Variants in FOLH1 observed in about 807,000 individuals in gnomAD.
The protein encoded by FOLH1 is glutamate carboxypeptidase 2.
FOLH1 carries 54 observed loss-of-function variants against 93.9 expected under a neutral mutation model. The observed-to-expected ratio is 0.57, with a 90% confidence interval of 0.46 to 0.72. The LOEUF is 0.72. FOLH1 is among the 30% of genes least tolerant of loss of function. The probability of loss-of-function intolerance (pLI) is 0.00; values close to 1 mark genes in which losing one functional copy is unlikely to be tolerated. For synonymous variants in FOLH1, 249 were observed against 303.6 expected, an observed-to-expected ratio of 0.82 and a Z score of 1.87; for missense variants, 571 against 892.5, an observed-to-expected ratio of 0.64 and a Z score of 4.59.
At chr11:49,182,719 A>G (rs566629250) in intron 7 of FOLH1, among the ~76,000 whole-genome samples, 10 of 152,356 alleles carry the variant, frequency 6.6e-5, no homozygotes, top group African/African-American at 2.4e-4. Context: ...TGCAGCATCT[A>G]TTTAAGCGAG....
chr11:49,201,838 T>C (rs1863290952), intron 2 of FOLH1, among the ~76,000 whole-genome samples: 1 of 152,206 alleles, frequency 6.6e-6, no homozygotes, highest in South Asian at 2.1e-4. Flanking sequence ...GGAATTACTA[T>C]GGGGAATCTT....
At chr11:49,153,762 TTCAGCAACAG>T (rs1406599832) in intron 17 of FOLH1, 74 bp downstream of exon 17, 1 of 952,738 alleles carries the variant, frequency 1.0e-6, no homozygotes, top group Non-Finnish European at 1.4e-6. Context: ...CCAAAGCTAG[TTCAGCAACAG>T]TCATGTTAGT....
chr11:49,208,248 C>G, intron 1 of FOLH1, 44 bp downstream of exon 1: 1 of 1,377,470 alleles, frequency 7.3e-7, no homozygotes. Context: ...ACCGCGGCAC[C>G]ACGGGGAAGA....
intron 12 of FOLH1, among the ~76,000 whole-genome samples, chr11:49,165,233 T>G (rs1858244762): frequency 6.6e-6 from 1 of 152,174 alleles, no homozygotes; most frequent in Non-Finnish European, 1.5e-5. Flanking sequence ...CTATTTAACA[T>G]AAAACATATT....
chr11:49,208,353 G>C lies in FOLH1; in HGVS notation c.57C>G (p.Arg19=). The stretch of plus-strand genomic sequence containing the variant: ...GCACCAGCGCCCCAGCGCACAGCCA[G>C]CGCGGGCGGCGCGCGGTGGCCACAG... ...DSAVATARRP[R]WLCAGALVLA... Residue 19 remains arginine (R), a synonymous_variant, in exon 1 of 19, where the codon CGC becomes CGG. Coordinates refer to ENST00000256999, the MANE Select transcript of FOLH1 (RefSeq NM_004476.3). 6.2e-7 allele frequency: 1 copy of C among 1,601,438 alleles called. No homozygotes were observed. Among genetic ancestry groups the C allele is most frequent in the Non-Finnish European group, 8.5e-7 (1 of 1,173,024 alleles).
At chr11:49,198,093 T>TG (rs1236242970) in intron 3 of FOLH1, among the ~76,000 whole-genome samples, 1 of 152,048 alleles carries the variant, frequency 6.6e-6, no homozygotes, top group Non-Finnish European at 1.5e-5. Flanking sequence ...TTTGGTAACA[T>TG]TATGCATGTT....
intron 17 of FOLH1, 32 bp downstream of exon 17, chr11:49,153,814 T>TAC (rs1318081646): frequency 6.9e-7 from 1 of 1,446,380 alleles, no homozygotes; most frequent in South Asian, 1.4e-5. Context: ...TACACACACA[T>TAC]ACACACATAT....
chr11:49,177,132 C>T (rs1248263680), intron 7 of FOLH1, among the ~76,000 whole-genome samples: 1 of 152,200 alleles, frequency 6.6e-6, no homozygotes, highest in African/African-American at 2.4e-5. Flanking sequence ...AGGAAACAAT[C>T]AGTAAGATCA....
Position 49,155,835 on chromosome 11 carries a change from T to TATATATAA in FOLH1, c.1623+881_1623+882insTTATATAT, listed in dbSNP as rs1193032047. 3.8e-3 allele frequency among the ~76,000 whole-genome samples: 466 copies of TATATATAA among 121,720 alleles called. 9 individuals are homozygous for TATATATAA. Among genetic ancestry groups the TATATATAA allele is most frequent in the African/African-American group, 0.01 (304 of 30,060 alleles). The allele number at this position is 121,720 out of a possible 152,430, so 79.9% of individuals were successfully genotyped here. A position where few individuals can be genotyped will look rare whatever the true frequency, so the allele number is the denominator to read the frequency against. ...ATATATATATATATATATATATATA[T>TATATATAA]AATCAACAACAAAAGAAAGGGAATC... On this transcript the variant is annotated intron_variant, in intron 15 of 18. Transcript: ENST00000256999.
At chr11:49,156,212 G>A (rs575305618) in intron 15 of FOLH1, among the ~76,000 whole-genome samples, 7 of 151,936 alleles carry the variant, frequency 4.6e-5, no homozygotes, top group African/African-American at 9.6e-5. Flanking sequence ...ACCCAGTCTC[G>A]GGTATGTCTT....
intron 15 of FOLH1, among the ~76,000 whole-genome samples, chr11:49,155,338 T>A (rs1159612891): frequency 1.3e-5 from 2 of 152,048 alleles, no homozygotes; most frequent in Admixed American, 1.3e-4. Context: ...CCTGCATAAC[T>A]CTGCCTAACC....
chr11:49,206,130 G>C lies in FOLH1; in HGVS notation c.161C>G (p.Pro54Arg). The part of the protein sequence containing the change: ...KSSNEATNIT[P>R]KHNMKAFLDE... ...CAAAAATGCTTTCATATTATGCTTT[G>C]GAGTAATGTTAGTAGCTTCATTGGA... Residue 54 changes from proline (P) to arginine (R), a missense_variant, in exon 2 of 19, where the codon CCA (proline) becomes CGA (arginine). Physicochemically the swap from Pro to Arg is moderately radical, Grantham distance 103. Transcript: ENST00000256999. The C allele has an allele frequency of 6.2e-7, 1 of 1,612,126 alleles. No individual in the cohort carries two copies. The highest frequency in any genetic ancestry group is 1.1e-5 in the South Asian group (1 of 90,786).
intron 13 of FOLH1, among the ~76,000 whole-genome samples, chr11:49,160,923 A>T (rs528344668): frequency 6.6e-6 from 1 of 152,112 alleles, no homozygotes; most frequent in Non-Finnish European, 1.5e-5. Flanking sequence ...AGGTTATTCA[A>T]TTTCCATGGA....
intron 6 of FOLH1, among the ~76,000 whole-genome samples, chr11:49,184,338 C>T (rs1861132778): frequency 6.6e-6 from 1 of 152,012 alleles, no homozygotes; most frequent in Non-Finnish European, 1.5e-5. Context: ...GTATAGAGCA[C>T]AAAATATAAT....
chr11:49,153,998 G>C, intron 16 of FOLH1, 71 bp from the exon 17 acceptor site: 2 of 1,374,410 alleles, frequency 1.5e-6, no homozygotes, highest in Non-Finnish European at 2.0e-6. Flanking sequence ...TATAGTTCAA[G>C]AAAAGGAACA....
intron 8 of FOLH1, 70 bp downstream of exon 8, chr11:49,175,789 T>C: frequency 7.2e-7 from 1 of 1,389,826 alleles, no homozygotes; most frequent in Non-Finnish European, 9.8e-7. Context: ...ACTTTTTCTG[T>C]CATCCTCTAT....
chr11:49,175,036 T>C (rs1218732582), intron 8 of FOLH1, 59 bp from the exon 9 acceptor site: 2 of 1,482,530 alleles, frequency 1.3e-6, no homozygotes, highest in African/African-American at 1.4e-5. Context: ...ATTAACACTA[T>C]AAGGTTTAAG....
Position 49,148,733 on chromosome 11 carries a change from T to C in FOLH1, c.1971-2A>G. The C allele has an allele frequency of 3.8e-6, 6 of 1,560,908 alleles. No individual in the cohort carries two copies. Among genetic ancestry groups the C allele is most frequent in the Non-Finnish European group, 5.2e-6 (6 of 1,158,712 alleles). On this transcript the variant is annotated splice_acceptor_variant, in intron 17 of 18. Coordinates refer to ENST00000256999, the MANE Select transcript of FOLH1 (RefSeq NM_004476.3). LOFTEE classifies it high-confidence loss of function. ...TTCATCATTCTTAATACTATTGGGCTGAGAAAGAAAATGAATATAATTATA... is the reference window on the plus strand; with the variant it reads ...TTCATCATTCTTAATACTATTGGGCCGAGAAAGAAAATGAATATAATTATA...
intron 7 of FOLH1, among the ~76,000 whole-genome samples, chr11:49,176,594 G>A (rs1229244923): frequency 6.6e-6 from 1 of 151,974 alleles, no homozygotes; most frequent in Non-Finnish European, 1.5e-5. Context: ...CAACATATCT[G>A]CCTTTACTGT....
Sources: allele counts gnomAD v4.1 joint callset (sites outside exome capture counted in the v4.1 genomes callset), GRCh38; gene constraint gnomAD v4.1.1; transcripts MANE v1.5; gene names NCBI Gene and HGNC (gene_info 2026-07-23, HGNC 2026-07-21).